RPS6KA2: variants seen among roughly 807,000 people sequenced by gnomAD.
RPS6KA2 encodes the protein ribosomal protein S6 kinase A2.
In RPS6KA2, 42 loss-of-function variants were observed where a neutral mutation model predicts 91.8. The ratio of observed to expected loss-of-function variants is 0.46; its 90% CI spans 0.36 to 0.59. The LOEUF (loss-of-function observed/expected upper bound fraction) is 0.59, where lower values mean the gene tolerates loss of function less well. Ranked by LOEUF, RPS6KA2 falls within the 20% of genes least tolerant of loss-of-function variation. The pLI is 0.00. For missense variants in RPS6KA2, 798 were observed against 978.5 expected, an observed-to-expected ratio of 0.82 and a Z score of 2.46; for synonymous variants, 414 against 393.6, an observed-to-expected ratio of 1.05 and a Z score of -0.61.
chr6:166,711,247 G>C (rs531206191), intron 2 of RPS6KA2, among the ~76,000 whole-genome samples: 1 of 141,436 alleles, frequency 7.1e-6, no homozygotes, highest in East Asian at 2.1e-4. Context: ...TAATGAGGTG[G>C]TGCCCCCACT....
rs140447229 is a variant in RPS6KA2, at chr6:166,413,703, CTG to C, written c.2076+89_2076+90del. 4,010 of 1,393,394 alleles carry C rather than the reference CTG, an allele frequency of 2.9e-3. 97 individuals carry two copies. In the African/African-American group the frequency reaches 0.052, roughly 18 times the overall value. The allele number at this position is 1,393,394 out of a possible 1,614,324, so 86.3% of individuals were successfully genotyped here. ...CTGCTATGGGCTCTTTCTCTGCACTCTGTGGTTTCTTCGGAGTGATTGCAAGG... is the reference window on the plus strand; with the variant it reads ...CTGCTATGGGCTCTTTCTCTGCACTCTGGTTTCTTCGGAGTGATTGCAAGG... On this transcript the variant is annotated intron_variant, in intron 20 of 20. Transcript: ENST00000265678.
chr6:166,855,444 A>C (rs13215339), intron 2 of RPS6KA2, among the ~76,000 whole-genome samples: 27 of 86,380 alleles, frequency 3.1e-4, no homozygotes, highest in African/African-American at 1.3e-3. Context: ...AAGAGGAAGA[A>C]GAAGAGGAAG....
At chr6:166,704,528 G>A (rs1474778827) in intron 2 of RPS6KA2, among the ~76,000 whole-genome samples, 2 of 152,232 alleles carry the variant, frequency 1.3e-5, no homozygotes, top group Admixed American at 1.3e-4. Flanking sequence ...CAGCAGGTCT[G>A]TGCTATAACA....
rs1341362680 is a variant in RPS6KA2 at position 166,501,052 on chromosome 6, G to A, written c.567-128C>T. On this transcript the variant is annotated intron_variant, in intron 6 of 20. Transcript: ENST00000265678. ...TTTTCAGGGAGCCCTGATGGAGCTG[G>A]CCCAGGAGATCCCCACGGCTTGTGC... 31 of 760,160 alleles carry A rather than the reference G, an allele frequency of 4.1e-5. No individual in the cohort carries two copies. In the East Asian group the frequency reaches 7.2e-4, roughly 18 times the overall value. The allele number at this position is 760,160 out of a possible 1,614,324, so 47.1% of individuals were successfully genotyped here.
intron 2 of RPS6KA2, among the ~76,000 whole-genome samples, chr6:166,749,831 G>A (rs1028280204): frequency 5.4e-5 from 8 of 148,654 alleles, no homozygotes; most frequent in Non-Finnish European, 1.2e-4. Context: ...GCTGGGAGCT[G>A]CAGCGGGAGC....
At chr6:166,566,385 CATGTCTGAATGAGGG>C (rs1784506715) in intron 1 of RPS6KA2, among the ~76,000 whole-genome samples, 1 of 152,224 alleles carries the variant, frequency 6.6e-6, no homozygotes, top group Non-Finnish European at 1.5e-5. Flanking sequence ...CCCTGCCAGC[CATGTCTGAATGAGGG>C]ATGGATGGCT....
intron 8 of RPS6KA2, 50 bp downstream of exon 8, chr6:166,498,458 C>T (rs1386581576): frequency 3.9e-6 from 6 of 1,554,978 alleles, no homozygotes; most frequent in Admixed American, 1.9e-5. Context: ...GACAGGGGTC[C>T]ACGTGGGGAA....
At chr6:166,705,530 A>G (rs1208719715) in intron 2 of RPS6KA2, among the ~76,000 whole-genome samples, 1 of 152,276 alleles carries the variant, frequency 6.6e-6, no homozygotes, top group Non-Finnish European at 1.5e-5. Flanking sequence ...CTTTAAAATC[A>G]GAAGCAAAGA....
At chr6:166,478,160 T>C (rs1029536871) in intron 10 of RPS6KA2, among the ~76,000 whole-genome samples, 4 of 152,176 alleles carry the variant, frequency 2.6e-5, no homozygotes, top group Non-Finnish European at 5.9e-5. Flanking sequence ...GCGGTTACCA[T>C]GCGTCACCTC....
At chr6:166,568,575 G>T (rs536909148) in intron 1 of RPS6KA2, among the ~76,000 whole-genome samples, 1 of 136,660 alleles carries the variant, frequency 7.3e-6, no homozygotes, top group Non-Finnish European at 1.5e-5. Context: ...CCGAGATTGC[G>T]CCATCGCACT....
At chr6:166,632,877 C>T (rs1373885787) in intron 2 of RPS6KA2, among the ~76,000 whole-genome samples, 1 of 152,016 alleles carries the variant, frequency 6.6e-6, no homozygotes, top group Non-Finnish European at 1.5e-5. Context: ...GCACACTGAG[C>T]GGTGTGGGGA....
Position 166,410,196 on chromosome 6 carries a change from T to C in RPS6KA2, c.*2566A>G, listed in dbSNP as rs145004354. 6.6e-6 allele frequency: 1 copy of C among 152,196 alleles called. No homozygotes were observed. Among genetic ancestry groups the C allele is most frequent in the Admixed American group, 6.5e-5 (1 of 15,276 alleles). 9.4% of individuals were successfully genotyped at this position (152,196 alleles called of 1,614,324 possible). The stretch of plus-strand genomic sequence containing the variant: ...CCGGGGGTGGGGGGTTGGGTTATGA[T>C]GAACTGTGTGAGGAAGGAGAGCCAG... On this transcript the variant is annotated 3_prime_UTR_variant, in exon 21 of 21. Transcript: ENST00000265678.
At chr6:166,763,842 G>C (rs1778235053) in intron 2 of RPS6KA2, among the ~76,000 whole-genome samples, 1 of 152,182 alleles carries the variant, frequency 6.6e-6, no homozygotes, top group Non-Finnish European at 1.5e-5. Flanking sequence ...AGCTGTGCCT[G>C]TCCGTGTACC....
chr6:166,765,340 C>G (rs574614129), intron 2 of RPS6KA2, among the ~76,000 whole-genome samples: 1 of 152,178 alleles, frequency 6.6e-6, no homozygotes, highest in Non-Finnish European at 1.5e-5. Context: ...TGCTCCGGGA[C>G]GCGTGGTGAC....
chr6:166,625,894 T>C (rs545622442), intron 1 of RPS6KA2, among the ~76,000 whole-genome samples: 12 of 152,348 alleles, frequency 7.9e-5, no homozygotes, highest in African/African-American at 2.9e-4. Flanking sequence ...TCTACTTTTT[T>C]GTCTATTCCT....
chr6:166,858,225 G>A lies in RPS6KA2; in HGVS notation c.98C>T (p.Pro33Leu), dbSNP rs780259496. The change falls in exon 2 of 22, where the codon CCC becomes CTC. Residue 33 changes from proline to leucine, a missense_variant. Transcript: ENST00000503859. ...TTCTTCTGCAGTGTCTTCTGTGGTGGGCTCCACATCCAGGTTGAGATCCTC... is the reference window on the plus strand; with the variant it reads ...TTCTTCTGCAGTGTCTTCTGTGGTGAGCTCCACATCCAGGTTGAGATCCTC... 16 of 1,547,960 alleles carry A rather than the reference G, an allele frequency of 1.0e-5. No individual in the cohort carries two copies. The East Asian group carries it at 3.2e-4, about 31-fold the overall frequency.
chr6:166,566,876 C>G (rs200873211), intron 1 of RPS6KA2, among the ~76,000 whole-genome samples: 5 of 152,242 alleles, frequency 3.3e-5, no homozygotes, highest in Admixed American at 2.0e-4. Context: ...ATCTCCCACA[C>G]TGTTCTGTGC....
chr6:166,688,314 T>A (rs1421352044), intron 2 of RPS6KA2, among the ~76,000 whole-genome samples: 1 of 152,178 alleles, frequency 6.6e-6, no homozygotes, highest in Non-Finnish European at 1.5e-5. Context: ...GCTTTGCCAC[T>A]GGGACACTGC....
chr6:166,757,425 T>A (rs192170400), intron 2 of RPS6KA2: 4 of 437,682 alleles, frequency 9.1e-6, no homozygotes, highest in Admixed American at 7.3e-5. Flanking sequence ...GAAAACAGCT[T>A]GCCCCTGGCC....
Sources: gnomAD v4.1 joint callset for allele counts (sites outside exome capture counted in the v4.1 genomes callset) on GRCh38, gnomAD v4.1.1 for gene constraint, MANE v1.5 for transcripts, NCBI Gene and HGNC (gene_info 2026-07-23, HGNC 2026-07-21) for gene names.